Variants in PPP2R2C observed in about 807,000 individuals in gnomAD.
The protein encoded by PPP2R2C is protein phosphatase 2 regulatory subunit Bgamma.
A neutral mutation model predicts 45.3 loss-of-function variants in PPP2R2C; 10 were observed. That is an observed-to-expected ratio of 0.22 (90% CI 0.14 to 0.37). The LOEUF (loss-of-function observed/expected upper bound fraction) is 0.37. Ranked by LOEUF, PPP2R2C falls within the 10% of genes least tolerant of loss-of-function variation. The pLI, the probability that PPP2R2C is intolerant of heterozygous loss-of-function variation, is 1.00. For missense variants in PPP2R2C, 308 were observed against 619.7 expected (o/e 0.50, Z 5.34); for synonymous variants, 257 against 245.4 (o/e 1.05, Z -0.44).
At chr4:6,424,409 T>C (rs1719161694) in intron 1 of PPP2R2C, among the ~76,000 whole-genome samples, 1 of 152,186 alleles carries the variant, frequency 6.6e-6, no homozygotes, top group African/African-American at 2.4e-5. Flanking sequence ...GGGGCCCCTC[T>C]GCAGAGAGAG....
At chr4:6,526,567 C>T (rs543306502) in intron 2 of PPP2R2C, among the ~76,000 whole-genome samples, 5 of 152,308 alleles carry the variant, frequency 3.3e-5, no homozygotes, top group South Asian at 2.1e-4. Context: ...AGGGGGTGGT[C>T]GTGAACGCTC....
At chr4:6,353,261 C>T (rs1217302914) in intron 5 of PPP2R2C, among the ~76,000 whole-genome samples, 4 of 145,390 alleles carry the variant, frequency 2.8e-5, no homozygotes, top group Non-Finnish European at 6.1e-5. Context: ...CCACCGACAG[C>T]CCCCCAACAC....
chr4:6,493,095 T>C (rs1210257792), intron 2 of PPP2R2C, among the ~76,000 whole-genome samples: 1 of 152,082 alleles, frequency 6.6e-6, no homozygotes, highest in Non-Finnish European at 1.5e-5. Context: ...TTCCCTCAGA[T>C]ACCTGCAAGC....
At chr4:6,420,979 T>G in intron 1 of PPP2R2C, 1 of 985,208 alleles carries the variant, frequency 1.0e-6, no homozygotes, top group Non-Finnish European at 1.2e-6. Flanking sequence ...AGCCAAGAGC[T>G]TGGGCAGCTG....
At chr4:6,337,878 G>A (rs955412509) in intron 6 of PPP2R2C, among the ~76,000 whole-genome samples, 13 of 152,102 alleles carry the variant, frequency 8.5e-5, no homozygotes, top group Admixed American at 3.9e-4. Flanking sequence ...AGATCGGAAG[G>A]GATATTAATA....
chr4:6,503,622 T>C (rs1350101055), intron 2 of PPP2R2C, among the ~76,000 whole-genome samples: 1 of 152,022 alleles, frequency 6.6e-6, no homozygotes, highest in Non-Finnish European at 1.5e-5. Context: ...TTGTGTGAAG[T>C]CCCAGACACT....
intron 1 of PPP2R2C, among the ~76,000 whole-genome samples, chr4:6,546,838 C>T (rs1180618865): frequency 6.6e-6 from 1 of 152,040 alleles, no homozygotes; most frequent in Non-Finnish European, 1.5e-5. Flanking sequence ...AAGGGCAGGC[C>T]GTGAAGCGGG....
chr4:6,500,626 A>G (rs1164756161), intron 2 of PPP2R2C, among the ~76,000 whole-genome samples: 2 of 152,198 alleles, frequency 1.3e-5, no homozygotes, highest in Non-Finnish European at 2.9e-5. Flanking sequence ...TTGCCAAAGA[A>G]CCTGCTTTCA....
chr4:6,492,833 C>G (rs1477821191), intron 2 of PPP2R2C, among the ~76,000 whole-genome samples: 1 of 152,150 alleles, frequency 6.6e-6, no homozygotes, highest in Non-Finnish European at 1.5e-5. Flanking sequence ...AGCAAGCCAG[C>G]CTTTGGCAGG....
chr4:6,478,958 A>G (rs1722259129), intron 2 of PPP2R2C, among the ~76,000 whole-genome samples: 1 of 152,112 alleles, frequency 6.6e-6, no homozygotes, highest in South Asian at 2.1e-4. Context: ...TCACAAAACC[A>G]CCACATGCAA....
At chr4:6,465,181 G>GAAAA (rs75238697) in intron 1 of PPP2R2C, among the ~76,000 whole-genome samples, 13,388 of 151,266 alleles carry the variant, frequency 0.089, 785 homozygotes, top group Non-Finnish European at 0.13. Flanking sequence ...AAACCTGTAG[G>GAAAA]AAAAAAAAGA....
chr4:6,538,024 G>A (rs1029445118), intron 1 of PPP2R2C, among the ~76,000 whole-genome samples: 1 of 152,094 alleles, frequency 6.6e-6, no homozygotes, highest in Non-Finnish European at 1.5e-5. Flanking sequence ...AAGCTCCGGC[G>A]ATGGGTCGTG....
At chr4:6,347,798 CCCGCCTGCCCAATGCACAG>C in intron 6 of PPP2R2C, 29 bp downstream of exon 6, 1 of 1,141,670 alleles carries the variant, frequency 8.8e-7, no homozygotes, top group African/African-American at 1.5e-5. Flanking sequence ...ATCCCACCCG[CCCGCCTGCCCAATGCACAG>C]CCCCCCACCC....
chr4:6,488,295 C>T (rs1364179163), intron 2 of PPP2R2C, among the ~76,000 whole-genome samples: 1 of 152,194 alleles, frequency 6.6e-6, no homozygotes, highest in Non-Finnish European at 1.5e-5. Context: ...GGATGCCAGA[C>T]TTTGTGATTT....
At chr4:6,377,216 C>G (rs1047242120) in intron 3 of PPP2R2C, among the ~76,000 whole-genome samples, 2 of 152,164 alleles carry the variant, frequency 1.3e-5, no homozygotes, top group Admixed American at 6.5e-5. Context: ...CACCTCGAAG[C>G]CTGGCTGGTG....
chr4:6,344,429 G>A (rs748436549), intron 6 of PPP2R2C, among the ~76,000 whole-genome samples: 153 of 152,326 alleles, frequency 1.0e-3, no homozygotes, highest in Non-Finnish European at 1.2e-3. Context: ...AATGTGCAAG[G>A]TATATGTGAC....
intron 1 of PPP2R2C, among the ~76,000 whole-genome samples, chr4:6,463,218 T>G (rs752347070): frequency 1.8e-4 from 28 of 152,246 alleles, no homozygotes; most frequent in Non-Finnish European, 1.5e-4. Flanking sequence ...GAGCTCGCTC[T>G]CTCTCTGCTT....
rs187001841 is a variant in PPP2R2C, at chr4:6,337,355, C to A, written c.791-3624G>T. On this transcript the variant is annotated intron_variant, in intron 6 of 8. Transcript: ENST00000382599. The stretch of plus-strand genomic sequence containing the variant: ...GAGGGCTTGAGAGAAGAGGGACCCC[C>A]GGTGGCTAAATGGATGGAAACAAGG... Among the ~76,000 whole-genome samples the A allele has an allele frequency of 1.9e-4, 29 of 151,526 alleles. No individual in the cohort carries two copies. In the East Asian group the frequency reaches 3.3e-3, roughly 17 times the overall value.
At chr4:6,454,159 C>G (rs951991592) in intron 1 of PPP2R2C, among the ~76,000 whole-genome samples, 1 of 152,174 alleles carries the variant, frequency 6.6e-6, no homozygotes, top group Non-Finnish European at 1.5e-5. Context: ...CAAGGTCAGA[C>G]AGAGCCCAGT....
Sources: gnomAD v4.1 joint callset for allele counts (sites outside exome capture counted in the v4.1 genomes callset) on GRCh38, gnomAD v4.1.1 for gene constraint, MANE v1.5 for transcripts, NCBI Gene and HGNC (gene_info 2026-07-23, HGNC 2026-07-21) for gene names.